Variants in KIAA0753 observed in about 807,000 individuals in gnomAD.
KIAA0753 encodes KIAA0753.
Under a neutral mutation model 116.9 loss-of-function variants are expected in KIAA0753, and 114 were observed. The observed-to-expected ratio is 0.98, with a 90% CI of 0.84 to 1.14. The LOEUF is 1.14. KIAA0753 is among the 50% of genes most tolerant of loss of function. The pLI is 0.00. For synonymous variants in KIAA0753, 405 were observed against 413.1 expected (o/e 0.98, Z 0.24); for missense variants, 1,156 against 1,172.4 (o/e 0.99, Z 0.20).
rs925050614 is a variant in KIAA0753 at position 6,608,234 on chromosome 17, C to G, written c.1829+114G>C. 2.1e-5 allele frequency: 10 copies of G among 476,058 alleles called. No individual in the cohort carries two copies. In the East Asian group the frequency reaches 3.3e-4, roughly 16 times the overall value. 29.5% of individuals were successfully genotyped at this position (476,058 alleles called of 1,614,324 possible). A position where few individuals can be genotyped will look rare whatever the true frequency, so the allele number is the denominator to read the frequency against. On this transcript the variant is annotated intron_variant, in intron 10 of 18. Coordinates refer to ENST00000361413, the MANE Select transcript of KIAA0753 (RefSeq NM_014804.3). ...TATTTATTCTATTTTTAAAAATAAT[C>G]TACATTTTAAATAACCAACTTTAAA...
chr17:6,621,671 T>G (rs920314731), intron 6 of KIAA0753, among the ~76,000 whole-genome samples: 1 of 152,088 alleles, frequency 6.6e-6, no homozygotes, highest in African/African-American at 2.4e-5. Context: ...TTTTGAAAAG[T>G]AGGGGAGATA....
chr17:6,624,211 T>C (rs1278998971), intron 4 of KIAA0753, among the ~76,000 whole-genome samples: 1 of 152,160 alleles, frequency 6.6e-6, no homozygotes, highest in Non-Finnish European at 1.5e-5. Context: ...AGAACGTAAA[T>C]GCCTGTGTAT....
rs1439821737 is a variant in KIAA0753 at position 6,640,663 on chromosome 17, G to A, written c.-95C>T. ...TGGCCTAGGGTGAGGCGCGGCTACT[G>A]GGAGGCGGGCAACGGGGGCCCCCAA... On this transcript the variant is annotated 5_prime_UTR_variant, in exon 1 of 19. Coordinates refer to ENST00000361413, the MANE Select transcript of KIAA0753 (RefSeq NM_014804.3). 1 of 158,726 alleles carries A rather than the reference G, an allele frequency of 6.3e-6. No individual in the cohort carries two copies. Among genetic ancestry groups the A allele is most frequent in the Non-Finnish European group, 1.4e-5 (1 of 71,716 alleles). The allele number at this position is 158,726 out of a possible 1,614,324, so 9.8% of individuals were successfully genotyped here.
At chr17:6,582,925 G>A (rs778636904) in intron 18 of KIAA0753, among the ~76,000 whole-genome samples, 4 of 151,940 alleles carry the variant, frequency 2.6e-5, no homozygotes, top group Admixed American at 6.6e-5. Context: ...TATTTTAAAC[G>A]TGTGAGTACA....
chr17:6,625,442 G>A (rs946028441), intron 3 of KIAA0753, among the ~76,000 whole-genome samples: 9 of 152,120 alleles, frequency 5.9e-5, no homozygotes, highest in Middle Eastern at 3.4e-3. Context: ...TGAGATGGGC[G>A]GATCACCTGA....
chr17:6,593,174 A>G (rs967751194), intron 16 of KIAA0753, among the ~76,000 whole-genome samples: 1 of 152,206 alleles, frequency 6.6e-6, no homozygotes, highest in African/African-American at 2.4e-5. Flanking sequence ...AAGACAAGCA[A>G]CCCCAAAAAA....
At position 6,585,335 on chromosome 17, in the gene KIAA0753, G is replaced by A. The variant is rs965922745; in HGVS notation, c.2786+4444C>T. ...TTCCTTTTCATAATGATGTGCCATG[G>A]TGTGTTCTGTTCTATTCATTTATTC... On this transcript the variant is annotated intron_variant, in intron 18 of 18. Transcript: ENST00000361413. Among the ~76,000 whole-genome samples the A allele has an allele frequency of 7.9e-5, 12 of 152,138 alleles. No homozygotes were observed. The South Asian group carries it at 1.7e-3, about 21-fold the overall frequency.
chr17:6,597,420 C>A lies in KIAA0753; in HGVS notation c.2173-1077G>T, dbSNP rs765386864. Among the ~76,000 whole-genome samples, 5 of 152,090 alleles carry A rather than the reference C, an allele frequency of 3.3e-5. No individual in the cohort carries two copies. In the South Asian group the frequency reaches 1.0e-3, roughly 31 times the overall value. ...TATAAAGAATGGAACACCAAAAATA[C>A]TATGTCCCATTAAAAAGGATAAGGA... is the stretch of plus-strand genomic sequence containing the variant. On this transcript the variant is annotated intron_variant, in intron 14 of 18. Coordinates refer to ENST00000361413, the MANE Select transcript of KIAA0753 (RefSeq NM_014804.3).
At chr17:6,627,777 G>A (rs1302832142) in intron 3 of KIAA0753, among the ~76,000 whole-genome samples, 1 of 152,168 alleles carries the variant, frequency 6.6e-6, no homozygotes, top group East Asian at 1.9e-4. Context: ...CCAGAAGAGG[G>A]AAAACATTAT....
chr17:6,627,132 GT>G (rs990896505), intron 3 of KIAA0753, among the ~76,000 whole-genome samples: 1 of 152,094 alleles, frequency 6.6e-6, no homozygotes, highest in Non-Finnish European at 1.5e-5. Context: ...TTACACAATT[GT>G]TTTTTTCTGT....
intron 14 of KIAA0753, among the ~76,000 whole-genome samples, chr17:6,598,968 G>A (rs901288592): frequency 6.6e-6 from 1 of 152,160 alleles, no homozygotes; most frequent in African/African-American, 2.4e-5. Flanking sequence ...GCCACACAGG[G>A]CACCCACACT....
At chr17:6,610,492 ATTTTTCT>A (rs1231641241) in intron 8 of KIAA0753, among the ~76,000 whole-genome samples, 4 of 132,568 alleles carry the variant, frequency 3.0e-5, no homozygotes, top group Non-Finnish European at 3.3e-5. Context: ...TTGTTAAATT[ATTTTTCT>A]TTTTTCTTTT....
Position 6,621,484 on chromosome 17 carries a change from A to G in KIAA0753, c.1105-486T>C, listed in dbSNP as rs140205808. On this transcript the variant is annotated intron_variant, in intron 6 of 18. Coordinates refer to ENST00000361413, the MANE Select transcript of KIAA0753 (RefSeq NM_014804.3). ...TTCCTAAAAAAAGGCATTTCCTCTA[A>G]TAAGTTCCCACCCATCCATTACTGG... is the stretch of plus-strand genomic sequence containing the variant. Among the ~76,000 whole-genome samples the G allele has an allele frequency of 1.2e-3, 190 of 152,298 alleles. 4 individuals carry two copies. Among genetic ancestry groups the G allele is most frequent in the Admixed American group, 0.011 (175 of 15,298 alleles).
intron 9 of KIAA0753, 87 bp from the exon 10 acceptor site, chr17:6,608,551 A>G (rs1260672692): frequency 1.6e-6 from 1 of 614,716 alleles, no homozygotes; most frequent in Non-Finnish European, 2.6e-6. Context: ...AGAGATGACA[A>G]CAGCATTAAA....
rs774085284 is a variant in KIAA0753 at position 6,579,697 on chromosome 17, G to A, written c.*50C>T. 3.3e-5 allele frequency: 43 copies of A among 1,295,354 alleles called. No individual in the cohort carries two copies. Among genetic ancestry groups the A allele is most frequent in the Non-Finnish European group, 4.7e-5 (42 of 894,528 alleles). 80.2% of individuals were successfully genotyped at this position (1,295,354 alleles called of 1,614,324 possible). The stretch of plus-strand genomic sequence containing the variant: ...TTCCTGTGGGCCAAAACAAAGGGTG[G>A]TGCCATCCCTTCTCCAGTGTGACAC... On this transcript the variant is annotated 3_prime_UTR_variant, in exon 19 of 19. Coordinates refer to ENST00000361413, the MANE Select transcript of KIAA0753 (RefSeq NM_014804.3).
intron 14 of KIAA0753, among the ~76,000 whole-genome samples, chr17:6,598,269 C>G (rs202038221): frequency 5.9e-5 from 9 of 152,058 alleles, no homozygotes; most frequent in Non-Finnish European, 1.2e-4. Context: ...CATAAAACAC[C>G]AAGCCATAAC....
intron 18 of KIAA0753, among the ~76,000 whole-genome samples, chr17:6,587,296 T>C (rs1225180509): frequency 1.3e-5 from 2 of 152,130 alleles, no homozygotes; most frequent in African/African-American, 4.8e-5. Context: ...AGACTGTTCA[T>C]ATGCACTGTC....
intron 7 of KIAA0753, among the ~76,000 whole-genome samples, chr17:6,617,931 C>T (rs1417647866): frequency 3.3e-5 from 5 of 152,108 alleles, no homozygotes; most frequent in African/African-American, 1.2e-4. Context: ...GGAGAAACCC[C>T]ATCTCTACTA....
rs1360458018 is a variant in KIAA0753, at chr17:6,607,263, A to C, written c.1837T>G (p.Trp613Gly). 1.2e-6 allele frequency: 2 copies of C among 1,613,948 alleles called. No individual in the cohort carries two copies. The highest frequency in any genetic ancestry group is 1.7e-6 in the Non-Finnish European group (2 of 1,179,964). Reference sequence around the variant, plus strand: ...CTTTTGGAAGTTTCAGCATCAAGCCAAGCGAGCCTAGCAGACAGTCAAAAG... The same window carrying C: ...CTTTTGGAAGTTTCAGCATCAAGCCCAGCGAGCCTAGCAGACAGTCAAAAG... ...AVEHEAARLA[W>G]LDAETSKRLK... Residue 613 changes from tryptophan to glycine, a missense_variant, in exon 11 of 19, where the codon TGG (tryptophan) becomes GGG (glycine). Physicochemically the swap from Trp to Gly is radical, Grantham distance 184. Transcript: ENST00000361413.
Sources: allele counts gnomAD v4.1 joint callset (sites outside exome capture counted in the v4.1 genomes callset), GRCh38; gene constraint gnomAD v4.1.1; transcripts MANE v1.5; gene names NCBI Gene and HGNC (gene_info 2026-07-23, HGNC 2026-07-21).